EYS: variants seen among roughly 807,000 people sequenced by gnomAD.
EYS encodes the protein protein eyes shut homolog.
In EYS, 250 loss-of-function variants were observed where a neutral mutation model predicts 282.1. That is an observed-to-expected ratio of 0.89 (90% CI 0.80 to 0.98). The LOEUF is 0.98. Ranked by LOEUF, EYS falls within the 50% of genes least tolerant of loss-of-function variation. The pLI is 0.00. For missense variants in EYS, 4,016 were observed against 3,709.0 expected (o/e 1.08, Z -2.15); for synonymous variants, 1,355 against 1,282.9 (o/e 1.06, Z -1.20).
chr6:65,640,420 GTT>G (rs11312384), intron 1 of EYS, among the ~76,000 whole-genome samples: 4 of 150,858 alleles, frequency 2.7e-5, no homozygotes, highest in Middle Eastern at 3.4e-3. Flanking sequence ...ATTAAAAAGA[GTT>G]TTTTTTTTCC....
chr6:64,830,615 C>A (rs1341573427), intron 19 of EYS, among the ~76,000 whole-genome samples: 1 of 151,896 alleles, frequency 6.6e-6, no homozygotes, highest in Non-Finnish European at 1.5e-5. Flanking sequence ...GTATCAGATG[C>A]AGTACCAAGA....
At position 64,686,811 on chromosome 6, in the gene EYS, A is replaced by ATATATATGTGTG. The variant is rs1562133883; in HGVS notation, c.3444-60567_3444-60566insCACACATATATA. The stretch of plus-strand genomic sequence containing the variant: ...TATGTGTGTATATATATATGTGTGT[A>ATATATATGTGTG]TATATATATGTGTATATATATATAT... On this transcript the variant is annotated intron_variant, in intron 22 of 42. Transcript: ENST00000503581. 1.3e-3 allele frequency among the ~76,000 whole-genome samples: 43 copies of ATATATATGTGTG among 32,002 alleles called. 4 individuals carry two copies. Among genetic ancestry groups the ATATATATGTGTG allele is most frequent in the Non-Finnish European group, 3.0e-3 (37 of 12,524 alleles). The allele number at this position is 32,002 out of a possible 152,430, so 21.0% of individuals were successfully genotyped here. A position where few individuals can be genotyped will look rare whatever the true frequency, so the allele number is the denominator to read the frequency against.
At chr6:64,755,601 A>G (rs1772911359) in intron 22 of EYS, among the ~76,000 whole-genome samples, 1 of 151,916 alleles carries the variant, frequency 6.6e-6, no homozygotes, top group Non-Finnish European at 1.5e-5. Flanking sequence ...AGCAGCATGG[A>G]TGGAATGGGA....
intron 24 of EYS, 22 bp downstream of exon 24, chr6:64,617,396 C>T (rs1469258281): frequency 7.0e-7 from 1 of 1,427,326 alleles, no homozygotes; most frequent in Non-Finnish European, 9.7e-7. Flanking sequence ...TTATTACAAC[C>T]ACAACCACCA....
intron 36 of EYS, among the ~76,000 whole-genome samples, chr6:63,859,548 T>G (rs923908886): frequency 6.6e-6 from 1 of 151,824 alleles, no homozygotes; most frequent in African/African-American, 2.4e-5. Context: ...GCATTCCACC[T>G]TTGTCTTTAG....
At position 64,477,946 on chromosome 6, in the gene EYS, T is replaced by C. The variant is rs891695199; in HGVS notation, c.5645-38594A>G. On this transcript the variant is annotated intron_variant, in intron 26 of 42. Coordinates refer to ENST00000503581, the MANE Select transcript of EYS (RefSeq NM_001142800.2). Reference sequence around the variant, plus strand: ...TAGTCTTTCCATCTCAGTTTTGTTATCTGTAAAATAGACCTCTGATTTTTA... The same window carrying C: ...TAGTCTTTCCATCTCAGTTTTGTTACCTGTAAAATAGACCTCTGATTTTTA... Among the ~76,000 whole-genome samples, 8 of 152,224 alleles carry C rather than the reference T, an allele frequency of 5.3e-5. No individual in the cohort carries two copies. In the East Asian group the frequency reaches 1.4e-3, roughly 26 times the overall value.
chr6:64,513,062 C>T lies in EYS; in HGVS notation c.5645-73710G>A, dbSNP rs186981398. 3.4e-3 allele frequency among the ~76,000 whole-genome samples: 511 copies of T among 151,168 alleles called. 10 individuals carry two copies. Among genetic ancestry groups the T allele is most frequent in the Non-Finnish European group, 5.3e-4 (36 of 67,764 alleles). On this transcript the variant is annotated intron_variant, in intron 26 of 42. Transcript: ENST00000503581. ...TTGACCCAAGTATCCAAACATAGTA[C>T]ATTTTTTCTACTTATACTTCTATAT...
intron 22 of EYS, among the ~76,000 whole-genome samples, chr6:64,658,422 G>A (rs1452823685): frequency 6.6e-6 from 1 of 152,166 alleles, no homozygotes; most frequent in African/African-American, 2.4e-5. Context: ...GAGGAGGAGA[G>A]GTACTCTGAT....
At chr6:64,345,825 A>G (rs1227045881) in intron 29 of EYS, among the ~76,000 whole-genome samples, 1 of 152,112 alleles carries the variant, frequency 6.6e-6, no homozygotes, top group Non-Finnish European at 1.5e-5. Flanking sequence ...TAATATCCAG[A>G]ATCTACAACA....
intron 5 of EYS, among the ~76,000 whole-genome samples, chr6:65,418,113 T>C (rs1014903561): frequency 1.3e-5 from 2 of 152,072 alleles, no homozygotes; most frequent in African/African-American, 4.8e-5. Flanking sequence ...ATATGTTACA[T>C]ATCCTGTTGT....
intron 35 of EYS, among the ~76,000 whole-genome samples, chr6:63,874,054 C>T (rs1292234013): frequency 6.6e-6 from 1 of 152,128 alleles, no homozygotes; most frequent in African/African-American, 2.4e-5. Flanking sequence ...ATGTTTTAGT[C>T]ATGAAGTCCT....
In EYS at chr6:65,197,003, A is replaced by G. The variant is rs73741264; in HGVS notation, c.2023+98860T>C. On this transcript the variant is annotated intron_variant, in intron 12 of 42. Coordinates refer to ENST00000503581, the MANE Select transcript of EYS (RefSeq NM_001142800.2). Reference sequence around the variant, plus strand: ...CAGGCTCTGTAGAACACTTTTTGGAAGGACTTTGAATTTAATTCCATGTAA... The same window carrying G: ...CAGGCTCTGTAGAACACTTTTTGGAGGGACTTTGAATTTAATTCCATGTAA... Among the ~76,000 whole-genome samples the G allele has an allele frequency of 2.7e-3, 418 of 152,160 alleles. 6 individuals are homozygous for G. The highest frequency in any genetic ancestry group is 0.01 in the Middle Eastern group (3 of 294).
rs1415636942 is a variant in EYS at position 64,945,944 on chromosome 6, G to A, written c.2260-30C>T. The A allele has an allele frequency of 7.3e-6, 11 of 1,515,426 alleles. No individual in the cohort carries two copies. In the Admixed American group the frequency reaches 1.6e-4, roughly 22 times the overall value. 93.9% of individuals were successfully genotyped at this position (1,515,426 alleles called of 1,614,324 possible). On this transcript the variant is annotated intron_variant, in intron 14 of 42. Transcript: ENST00000503581. ...GAGAATATGAAATTATATATTTTTAGGCTATTTCTTACTATTAAGCCTATA... is the reference window on the plus strand; with the variant it reads ...GAGAATATGAAATTATATATTTTTAAGCTATTTCTTACTATTAAGCCTATA...
intron 11 of EYS, among the ~76,000 whole-genome samples, chr6:65,320,449 C>T (rs1769441796): frequency 6.6e-6 from 1 of 152,122 alleles, no homozygotes; most frequent in Non-Finnish European, 1.5e-5. Context: ...GTATCAGTTG[C>T]AGCCCTGGGA....
At chr6:64,547,100 A>G (rs566013846) in intron 26 of EYS, among the ~76,000 whole-genome samples, 47 of 152,234 alleles carry the variant, frequency 3.1e-4, no homozygotes, top group African/African-American at 1.1e-3. Context: ...CTGGCTCAGG[A>G]GTGAAGCTGC....
At chr6:64,697,672 G>A (rs964998747) in intron 22 of EYS, among the ~76,000 whole-genome samples, 2 of 152,116 alleles carry the variant, frequency 1.3e-5, no homozygotes, top group Admixed American at 6.6e-5. Context: ...GGCCAGACAC[G>A]GTGGCTCATG....
intron 26 of EYS, among the ~76,000 whole-genome samples, chr6:64,532,390 A>C (rs9351300): frequency 6.6e-6 from 1 of 151,996 alleles, no homozygotes; most frequent in African/African-American, 2.4e-5. Context: ...TCAGTTTGGC[A>C]AACTAGGAAA....
intron 29 of EYS, among the ~76,000 whole-genome samples, chr6:64,335,584 G>A (rs887869417): frequency 2.0e-5 from 3 of 152,094 alleles, no homozygotes; most frequent in Admixed American, 6.6e-5. Flanking sequence ...CTTTCTGGAC[G>A]TATGTCCGGC....
At chr6:64,792,661 A>G (rs1204686029) in intron 22 of EYS, among the ~76,000 whole-genome samples, 1 of 152,086 alleles carries the variant, frequency 6.6e-6, no homozygotes, top group Non-Finnish European at 1.5e-5. Flanking sequence ...TTAGGAAGAT[A>G]AATCTGTTTT....
Sources: gnomAD v4.1 joint callset for allele counts (sites outside exome capture counted in the v4.1 genomes callset) on GRCh38, gnomAD v4.1.1 for gene constraint, MANE v1.5 for transcripts, NCBI Gene and HGNC (gene_info 2026-07-23, HGNC 2026-07-21) for gene names.